The following FAM149A variants were observed in gnomAD, a reference collection of about 807,000 sequenced individuals.
The protein encoded by FAM149A is family with sequence similarity 149 member A.
FAM149A carries 71 observed loss-of-function variants against 78.2 expected under a neutral mutation model. The observed-to-expected ratio is 0.91, with a 90% CI of 0.75 to 1.11. The LOEUF (loss-of-function observed/expected upper bound fraction) is 1.11. FAM149A is among the 50% of genes least tolerant of loss of function. The pLI, the probability that FAM149A is intolerant of heterozygous loss-of-function variation, is 0.00. For missense variants in FAM149A, 1,036 were observed against 971.0 expected (o/e 1.07, Z -0.89); for synonymous variants, 446 against 410.5 (o/e 1.09, Z -1.04).
chr4:186,122,509 A>T (rs2099316512), intron 1 of FAM149A, among the ~76,000 whole-genome samples: 1 of 152,216 alleles, frequency 6.6e-6, no homozygotes, highest in South Asian at 2.1e-4. Flanking sequence ...GGTAGGGATC[A>T]GTAGAGTGTC....
chr4:186,146,574 A>G (rs1733054663), intron 1 of FAM149A: 2 of 932,894 alleles, frequency 2.1e-6, no homozygotes, highest in Non-Finnish European at 2.6e-6. Context: ...TAAATTATTC[A>G]TTGAAACAAA....
chr4:186,134,477 G>A (rs534887763), intron 1 of FAM149A, among the ~76,000 whole-genome samples: 1 of 152,268 alleles, frequency 6.6e-6, no homozygotes, highest in East Asian at 1.9e-4. Context: ...TCCTGAGAGT[G>A]TCTGGCAGCC....
intron 1 of FAM149A, among the ~76,000 whole-genome samples, chr4:186,143,057 A>C (rs1052185620): frequency 1.3e-5 from 2 of 151,238 alleles, no homozygotes; most frequent in African/African-American, 4.9e-5. Flanking sequence ...TGGGTGTTAA[A>C]TATATGTAAG....
chr4:186,137,823 T>C (rs2099324127), intron 1 of FAM149A, among the ~76,000 whole-genome samples: 1 of 151,850 alleles, frequency 6.6e-6, no homozygotes. Context: ...AATGTACTTA[T>C]AAATTTCACC....
chr4:186,124,028 G>A, intron 1 of FAM149A: 2 of 984,712 alleles, frequency 2.0e-6, no homozygotes, highest in South Asian at 9.4e-5. Context: ...CACAGACAAT[G>A]AGAAACTTGG....
rs753950218 is a variant in FAM149A at position 186,156,055 on chromosome 4, C to T, written c.1285C>T (p.Leu429Phe). The T allele has an allele frequency of 5.6e-6, 9 of 1,613,926 alleles. No individual in the cohort carries two copies. The highest frequency in any genetic ancestry group is 7.6e-6 in the Non-Finnish European group (9 of 1,179,856). The change falls in exon 7 of 14, where the codon CTC becomes TTC. Residue 429 changes from leucine (L) to phenylalanine (F), a missense_variant. Transcript: ENST00000389354. ...TCAGCCCGGTAGGAAATGGCGCAAA[C>T]TCGGACTTCCTCCTGTTTCCCCGCG...
chr4:186,159,522 G>C (rs139792894), intron 8 of FAM149A, among the ~76,000 whole-genome samples: 1 of 152,078 alleles, frequency 6.6e-6, no homozygotes, highest in Non-Finnish European at 1.5e-5. Context: ...AGGGGATTAG[G>C]AATCGAGAGG....
At chr4:186,158,183 A>G (rs963653860) in intron 8 of FAM149A, 2 of 1,278,336 alleles carry the variant, frequency 1.6e-6, no homozygotes, top group Non-Finnish European at 2.0e-6. Flanking sequence ...CACCAGAGCC[A>G]CTCCAGCTGC....
chr4:186,145,002 C>T (rs1732908232), intron 1 of FAM149A: 2 of 981,292 alleles, frequency 2.0e-6, no homozygotes, highest in Non-Finnish European at 2.4e-6. Flanking sequence ...GGCGCGTGAC[C>T]GGCTGTCTGC....
chr4:186,149,078 A>G (rs1017780561), intron 1 of FAM149A, 95 bp from the exon 2 acceptor site: 9 of 1,037,000 alleles, frequency 8.7e-6, no homozygotes, highest in Non-Finnish European at 1.1e-5. Context: ...GAACGAGAGG[A>G]GCAACTTTGT....
At chr4:186,142,560 A>C (rs796737448) in intron 1 of FAM149A, among the ~76,000 whole-genome samples, 3 of 152,280 alleles carry the variant, frequency 2.0e-5, no homozygotes, top group African/African-American at 7.2e-5. Context: ...TGGAGGTGAC[A>C]CTGCCAGTTG....
At chr4:186,117,436 G>A (rs1340302256) in intron 1 of FAM149A, 1 of 985,234 alleles carries the variant, frequency 1.0e-6, no homozygotes, top group Non-Finnish European at 1.2e-6. Context: ...ACACTGCTGT[G>A]AGCACACAGC....
At chr4:186,119,787 C>A (rs924383415) in intron 1 of FAM149A, among the ~76,000 whole-genome samples, 2 of 152,148 alleles carry the variant, frequency 1.3e-5, no homozygotes, top group Non-Finnish European at 2.9e-5. Flanking sequence ...TAAAATGCAA[C>A]ATTTAATTCA....
intron 3 of FAM149A, among the ~76,000 whole-genome samples, chr4:186,150,667 T>A (rs76703394): frequency 7.0e-6 from 1 of 142,386 alleles, no homozygotes; most frequent in Non-Finnish European, 1.5e-5. Context: ...GATCCGCCCG[T>A]CTCGGCCTCC....
intron 6 of FAM149A, 57 bp downstream of exon 6, chr4:186,154,695 T>G: frequency 1.3e-6 from 2 of 1,523,014 alleles, no homozygotes; most frequent in Non-Finnish European, 1.8e-6. Context: ...TTATTTGACA[T>G]TTATTGTTAT....
chr4:186,106,921 A>G (rs1038472962), intron 1 of FAM149A, among the ~76,000 whole-genome samples: 25 of 152,248 alleles, frequency 1.6e-4, no homozygotes, highest in Non-Finnish European at 2.1e-4. Context: ...TTGCGCTCCA[A>G]CCTGGGCGAC....
chr4:186,126,811 A>G lies in FAM149A; in HGVS notation c.566+21169A>G, dbSNP rs138321474. The G allele has an allele frequency of 2.6e-5, 23 of 879,458 alleles. No homozygotes were observed. The East Asian group carries it at 2.7e-3, about 102-fold the overall frequency. The allele number at this position is 879,458 out of a possible 1,614,324, so 54.5% of individuals were successfully genotyped here. A position where few individuals can be genotyped will look rare whatever the true frequency, so the allele number is the denominator to read the frequency against. ...GATTGCGTGAGCCTGTTCCCCTAAT[A>G]AATCTCCTGGTGTATGTCTCTGTAT... On this transcript the variant is annotated intron_variant, in intron 1 of 13. Transcript: ENST00000389354.
At chr4:186,156,360 G>GT (rs61259112) in intron 7 of FAM149A, among the ~76,000 whole-genome samples, 170 bp downstream of exon 7, 7,071 of 152,138 alleles carry the variant, frequency 0.046, 204 homozygotes, top group Middle Eastern at 0.075. Flanking sequence ...GGACGCTATT[G>GT]TTTTTTGTGT....
intron 8 of FAM149A, chr4:186,158,627 C>T: frequency 9.2e-7 from 1 of 1,090,820 alleles, no homozygotes; most frequent in African/African-American, 1.7e-5. Flanking sequence ...GACCCAGCCC[C>T]TGCACACACT....
Sources: allele counts gnomAD v4.1 joint callset (sites outside exome capture counted in the v4.1 genomes callset), GRCh38; gene constraint gnomAD v4.1.1; transcripts MANE v1.5; gene names NCBI Gene and HGNC (gene_info 2026-07-23, HGNC 2026-07-21).